GTF2E2: variants seen among roughly 807,000 people sequenced by gnomAD.
The protein encoded by GTF2E2 is transcription initiation factor IIE subunit beta.
GTF2E2 carries 21 observed loss-of-function variants against 40.5 expected under a neutral mutation model. The ratio of observed to expected loss-of-function variants is 0.52; its 90% CI spans 0.37 to 0.75. The LOEUF (loss-of-function observed/expected upper bound fraction) is 0.75, where lower values mean the gene tolerates loss of function less well. Among genes scored for constraint, GTF2E2 ranks in the 30% least tolerant of loss-of-function variants. GTF2E2 has a pLI of 0.00. For synonymous variants in GTF2E2, 117 were observed against 121.6 expected, an observed-to-expected ratio of 0.96 and a Z score of 0.25; for missense variants, 298 against 338.4, an observed-to-expected ratio of 0.88 and a Z score of 0.94.
At chr8:30,617,909 G>A (rs1334133125) in intron 3 of GTF2E2, among the ~76,000 whole-genome samples, 5 of 152,180 alleles carry the variant, frequency 3.3e-5, no homozygotes, top group Admixed American at 6.5e-5. Flanking sequence ...GGTCTCCTAC[G>A]TGGGGTGTAC....
chr8:30,589,454 G>A (rs906837180), intron 6 of GTF2E2, among the ~76,000 whole-genome samples: 2 of 152,204 alleles, frequency 1.3e-5, no homozygotes, highest in Non-Finnish European at 2.9e-5. Context: ...TCCCAGCTAA[G>A]AGACTGAGGT....
rs191499116 is a variant in GTF2E2, at chr8:30,580,219, A to G, written c.759+62T>C. ...ACTCCCAGCTCTTCAGAGGGCAGAA[A>G]GCGGAGCAGGCTAACAGTTCCCAGG... On this transcript the variant is annotated intron_variant, in intron 7 of 7. Transcript: ENST00000355904. The G allele has an allele frequency of 4.7e-3, 4,246 of 904,692 alleles. 39 individuals are homozygous for G. Among genetic ancestry groups the G allele is most frequent in the South Asian group, 0.013 (948 of 71,872 alleles). The allele number at this position is 904,692 out of a possible 1,614,324, so 56.0% of individuals were successfully genotyped here. A position where few individuals can be genotyped will look rare whatever the true frequency, so the allele number is the denominator to read the frequency against.
In GTF2E2 at chr8:30,602,823, G is replaced by C. The variant is rs536942836; in HGVS notation, c.643+4234C>G. 2.4e-4 allele frequency among the ~76,000 whole-genome samples: 36 copies of C among 150,464 alleles called. No homozygotes were observed. The South Asian group carries it at 4.7e-3, about 19-fold the overall frequency. ...AAGCCACTCTAGGAAAAAAACTAAAGTCCTTCCCACAATCTTTGTCTTTGC... is the reference window on the plus strand; with the variant it reads ...AAGCCACTCTAGGAAAAAAACTAAACTCCTTCCCACAATCTTTGTCTTTGC... On this transcript the variant is annotated intron_variant, in intron 6 of 7. Coordinates refer to ENST00000355904, the MANE Select transcript of GTF2E2 (RefSeq NM_002095.6).
In GTF2E2 at chr8:30,614,696, T is replaced by G; in HGVS notation, c.278A>C (p.Asp93Ala). 1.2e-6 allele frequency: 2 copies of G among 1,602,860 alleles called. No homozygotes were observed. Among genetic ancestry groups the G allele is most frequent in the Non-Finnish European group, 1.7e-6 (2 of 1,170,612 alleles). The change falls in exon 4 of 8, where the codon GAT (aspartate) becomes GCT (alanine). Residue 93 changes from aspartate to alanine, a missense_variant. Coordinates refer to ENST00000355904, the MANE Select transcript of GTF2E2 (RefSeq NM_002095.6). ...TTCATCTAAGGTTAGAGGATGCGTA[T>G]CTCCTCGCTGATGCCGTGTCTATCA... The part of the protein sequence containing the change: ...NYMKTRHQRG[D>A]THPLTLDEIL...
At chr8:30,584,259 T>C (rs1219531291) in intron 6 of GTF2E2, among the ~76,000 whole-genome samples, 4 of 152,116 alleles carry the variant, frequency 2.6e-5, no homozygotes, top group Non-Finnish European at 4.4e-5. Flanking sequence ...CTAAAAGATG[T>C]TCCAGGCTCA....
intron 1 of GTF2E2, among the ~76,000 whole-genome samples, chr8:30,656,000 G>A (rs1343017495): frequency 6.6e-6 from 1 of 151,988 alleles, no homozygotes; most frequent in Non-Finnish European, 1.5e-5. Context: ...TAGTAGAGAC[G>A]GGGTTCATTC....
chr8:30,651,364 TG>T (rs1395142871), intron 2 of GTF2E2, among the ~76,000 whole-genome samples: 2 of 151,656 alleles, frequency 1.3e-5, no homozygotes, highest in African/African-American at 4.9e-5. Context: ...ACAAGATCAA[TG>T]TATTAAAAAA....
intron 1 of GTF2E2, among the ~76,000 whole-genome samples, chr8:30,655,608 T>C (rs1586016215): frequency 2.0e-5 from 3 of 152,210 alleles, no homozygotes; most frequent in African/African-American, 7.2e-5. Context: ...ATCTTGTTTG[T>C]GAGGCACTGT....
chr8:30,627,427 G>C (rs947524954), intron 3 of GTF2E2, among the ~76,000 whole-genome samples: 7 of 143,236 alleles, frequency 4.9e-5, no homozygotes, highest in African/African-American at 1.8e-4. Flanking sequence ...ACTGGCTCAC[G>C]GCAAGGTTTT....
At chr8:30,647,208 T>A (rs533351218) in intron 2 of GTF2E2, among the ~76,000 whole-genome samples, 7 of 152,276 alleles carry the variant, frequency 4.6e-5, no homozygotes, top group East Asian at 1.9e-4. Flanking sequence ...AGACTTTTTT[T>A]AAATCTCTAT....
chr8:30,614,758 G>A (rs1181550703), intron 3 of GTF2E2, 43 bp from the exon 4 acceptor site: 9 of 1,034,914 alleles, frequency 8.7e-6, no homozygotes, highest in Middle Eastern at 2.0e-4. Context: ...GTTTCAAAAT[G>A]CTAGATGCAT....
At chr8:30,624,739 G>A (rs1177711603) in intron 3 of GTF2E2, among the ~76,000 whole-genome samples, 2 of 152,066 alleles carry the variant, frequency 1.3e-5, no homozygotes, top group South Asian at 2.1e-4. Flanking sequence ...TCCCTTGTAA[G>A]TTGGATTTCT....
At chr8:30,596,991 T>C (rs2151116486) in intron 6 of GTF2E2, 1 of 152,554 alleles carries the variant, frequency 6.6e-6, no homozygotes. Flanking sequence ...GCATCTGAGC[T>C]GGTCTGCCTC....
intron 6 of GTF2E2, among the ~76,000 whole-genome samples, chr8:30,593,736 C>T (rs1828913144): frequency 6.6e-6 from 1 of 152,146 alleles, no homozygotes; most frequent in Non-Finnish European, 1.5e-5. Context: ...CCTGCCTCAG[C>T]TTCCCAAAGT....
At chr8:30,649,026 C>T (rs1305758596) in intron 2 of GTF2E2, among the ~76,000 whole-genome samples, 6 of 152,130 alleles carry the variant, frequency 3.9e-5, no homozygotes, top group Non-Finnish European at 4.4e-5. Context: ...CATTCTTGAG[C>T]AGGTCAAAGG....
intron 3 of GTF2E2, among the ~76,000 whole-genome samples, chr8:30,616,346 G>A (rs1374176610): frequency 1.3e-5 from 2 of 152,062 alleles, no homozygotes; most frequent in Non-Finnish European, 2.9e-5. Flanking sequence ...TGAGGCAGGG[G>A]AATCACTTGA....
At chr8:30,624,189 T>C (rs943677076) in intron 3 of GTF2E2, among the ~76,000 whole-genome samples, 1 of 152,152 alleles carries the variant, frequency 6.6e-6, no homozygotes, top group African/African-American at 2.4e-5. Flanking sequence ...AATTTTTGTA[T>C]ACGGTGTAAG....
At chr8:30,585,449 C>A (rs554503314) in intron 6 of GTF2E2, among the ~76,000 whole-genome samples, 4 of 152,162 alleles carry the variant, frequency 2.6e-5, no homozygotes, top group East Asian at 3.9e-4. Flanking sequence ...AGAAACAAAA[C>A]TTCTAAAAAT....
intron 6 of GTF2E2, among the ~76,000 whole-genome samples, chr8:30,580,611 G>T (rs1417015579): frequency 1.3e-5 from 2 of 152,164 alleles, no homozygotes; most frequent in African/African-American, 4.8e-5. Flanking sequence ...CGACAGTGGG[G>T]CTGTTTCTTG....
Sources: allele counts gnomAD v4.1 joint callset (sites outside exome capture counted in the v4.1 genomes callset), GRCh38; gene constraint gnomAD v4.1.1; transcripts MANE v1.5; gene names NCBI Gene and HGNC (gene_info 2026-07-23, HGNC 2026-07-21).